The following NT5C2 variants were observed in gnomAD, a reference collection of about 807,000 sequenced individuals.
NT5C2 encodes the protein 5'-nucleotidase, cytosolic II.
A neutral mutation model predicts 76.1 loss-of-function variants in NT5C2; 58 were observed. The observed-to-expected ratio is 0.76, with a 90% confidence interval of 0.62 to 0.95. NT5C2 has a LOEUF of 0.95. Ranked by LOEUF, NT5C2 falls within the 40% of genes least tolerant of loss-of-function variation. NT5C2 has a pLI of 0.00. For synonymous variants in NT5C2, 229 were observed against 237.4 expected (o/e 0.96, Z 0.32); for missense variants, 478 against 690.3 (o/e 0.69, Z 3.45).
At position 103,089,598 on chromosome 10, in the gene NT5C2, A is replaced by G. The variant is rs2066169068; in HGVS notation, c.*74T>C. 1 of 1,479,240 alleles carries G rather than the reference A, an allele frequency of 6.8e-7. No homozygotes were observed. Among genetic ancestry groups the G allele is most frequent in the African/African-American group, 1.4e-5 (1 of 70,872 alleles). 91.6% of individuals were successfully genotyped at this position (1,479,240 alleles called of 1,614,324 possible). A position where few individuals can be genotyped will look rare whatever the true frequency, so the allele number is the denominator to read the frequency against. ...CCTCCCTCCCCCGAGTAGAACCCTA[A>G]CAGGGACCTCGTTTGTTCCTGTGAG... On this transcript the variant is annotated 3_prime_UTR_variant, in exon 19 of 19. Coordinates refer to ENST00000404739, the MANE Select transcript of NT5C2 (RefSeq NM_001351169.2).
intron 3 of NT5C2, chr10:103,153,268 G>A (rs1006592236): frequency 1.6e-6 from 2 of 1,276,134 alleles, no homozygotes; most frequent in South Asian, 2.5e-5. Flanking sequence ...AAATGAAAGA[G>A]AAAGAATAAT....
In NT5C2 at chr10:103,106,702, G is replaced by A. The variant is rs1320207919; in HGVS notation, c.180C>T (p.Tyr60=). The A allele has an allele frequency of 1.9e-6, 3 of 1,576,414 alleles. No homozygotes were observed. The Admixed American group carries it at 5.0e-5, about 26-fold the overall frequency. ...CAAGGGACTCATACTCTGGGGACTT[G>A]TACACTGCACAAAGAGGAGGTTTTC... is the stretch of plus-strand genomic sequence containing the variant. The part of the protein sequence containing the change: ...GFDMDYTLAV[Y]KSPEYESLGF... Residue 60 remains tyrosine, a synonymous_variant, in exon 5 of 19, where the codon TAC becomes TAT. Transcript: ENST00000404739.
At chr10:103,092,409 T>G (rs12355120) in intron 15 of NT5C2, among the ~76,000 whole-genome samples, 48,026 of 152,082 alleles carry the variant, frequency 0.32, 7,680 homozygotes, top group Middle Eastern at 0.37. Flanking sequence ...CTTTAGGAGG[T>G]AGGTATTATC....
chr10:103,182,552 T>C (rs2091258340), intron 1 of NT5C2, among the ~76,000 whole-genome samples: 1 of 151,966 alleles, frequency 6.6e-6, no homozygotes, highest in African/African-American at 2.4e-5. Flanking sequence ...GGAGAATCAC[T>C]TGAACCCAGG....
At chr10:103,129,460 G>A (rs1379973655) in intron 4 of NT5C2, among the ~76,000 whole-genome samples, 13 of 102,630 alleles carry the variant, frequency 1.3e-4, no homozygotes, top group South Asian at 3.8e-4. Context: ...CAGCCACCCC[G>A]TCCGGGAGGG....
chr10:103,090,859 C>T, intron 17 of NT5C2, 72 bp from the exon 18 acceptor site: 1 of 1,594,460 alleles, frequency 6.3e-7, no homozygotes, highest in Non-Finnish European at 8.6e-7. Flanking sequence ...GAATGCTAGT[C>T]TCTATAATAA....
intron 1 of NT5C2, among the ~76,000 whole-genome samples, chr10:103,192,452 C>T (rs1027279227): frequency 6.6e-6 from 1 of 152,190 alleles, no homozygotes; most frequent in Admixed American, 6.5e-5. Flanking sequence ...ACCCCCAAAA[C>T]GTTTTTCTTA....
intron 4 of NT5C2, among the ~76,000 whole-genome samples, chr10:103,107,324 C>G (rs899179352): frequency 1.1e-4 from 16 of 152,086 alleles, no homozygotes; most frequent in Non-Finnish European, 2.4e-4. Flanking sequence ...TGTAAACCAA[C>G]CATAAAAAGA....
intron 1 of NT5C2, among the ~76,000 whole-genome samples, chr10:103,188,409 G>A (rs546993193): frequency 2.0e-5 from 3 of 152,150 alleles, no homozygotes; most frequent in African/African-American, 7.2e-5. Context: ...AATACGCACT[G>A]TCAATAAACC....
At chr10:103,159,285 ACACACAC>A (rs1283981497) in intron 3 of NT5C2, among the ~76,000 whole-genome samples, 3 of 151,658 alleles carry the variant, frequency 2.0e-5, no homozygotes, top group African/African-American at 7.3e-5. Context: ...ACACACACAC[ACACACAC>A]AATTAGAGCT....
chr10:103,110,196 C>G (rs576229039), intron 4 of NT5C2, among the ~76,000 whole-genome samples: 1 of 152,266 alleles, frequency 6.6e-6, no homozygotes, highest in South Asian at 2.1e-4. Context: ...GCACTTACAC[C>G]TGTAATCCCA....
intron 4 of NT5C2, among the ~76,000 whole-genome samples, chr10:103,124,180 T>C (rs1053360935): frequency 1.3e-5 from 2 of 152,096 alleles, no homozygotes; most frequent in African/African-American, 4.8e-5. Flanking sequence ...TTGCATCTAT[T>C]AGAAGCATAA....
intron 4 of NT5C2, among the ~76,000 whole-genome samples, chr10:103,133,875 T>C (rs753111681): frequency 7.9e-5 from 12 of 152,266 alleles, no homozygotes; most frequent in African/African-American, 1.9e-4. Context: ...GAGGAACTTA[T>C]TGGGAGCTGG....
intron 3 of NT5C2, among the ~76,000 whole-genome samples, chr10:103,158,698 T>C (rs910536111): frequency 1.3e-5 from 2 of 151,478 alleles, no homozygotes; most frequent in African/African-American, 4.9e-5. Context: ...GCACTTGTCA[T>C]CCCAGCTACT....
At chr10:103,166,790 C>T (rs1032591283) in intron 3 of NT5C2, among the ~76,000 whole-genome samples, 3 of 151,772 alleles carry the variant, frequency 2.0e-5, no homozygotes, top group East Asian at 3.9e-4. Flanking sequence ...GTAGCTAGGA[C>T]GACAGGTGCA....
intron 2 of NT5C2, among the ~76,000 whole-genome samples, chr10:103,176,522 G>A (rs910473683): frequency 6.6e-6 from 1 of 152,170 alleles, no homozygotes; most frequent in African/African-American, 2.4e-5. Flanking sequence ...CTCTTGTGCT[G>A]TGTCTGCTGG....
At chr10:103,143,001 AAAG>A (rs1272227885) in intron 3 of NT5C2, among the ~76,000 whole-genome samples, 5 of 151,956 alleles carry the variant, frequency 3.3e-5, no homozygotes, top group East Asian at 3.9e-4. Context: ...AAAAAAAAAA[AAAG>A]AAGAATAGAA....
chr10:103,088,391 T>TTTTA lies in NT5C2; in HGVS notation c.*1277_*1280dup. On this transcript the variant is annotated 3_prime_UTR_variant, in exon 19 of 19. Transcript: ENST00000404739. ...GGTGATTTCGACTTGGGATTGGGAT[T>TTTTA]TTTATTTTTTGAGATGGAGTTTTGT... The TTTTA allele has an allele frequency of 6.6e-6, 1 of 152,330 alleles. No homozygotes were observed. The highest frequency in any genetic ancestry group is 2.1e-4 in the South Asian group (1 of 4,828). The allele number at this position is 152,330 out of a possible 1,614,324, so 9.4% of individuals were successfully genotyped here. A position where few individuals can be genotyped will look rare whatever the true frequency, so the allele number is the denominator to read the frequency against.
intron 4 of NT5C2, among the ~76,000 whole-genome samples, chr10:103,123,979 T>C (rs755033943): frequency 6.6e-6 from 1 of 152,320 alleles, no homozygotes; most frequent in African/African-American, 2.4e-5. Flanking sequence ...TATTAACAAC[T>C]CATCCCCCCA....
Sources: allele counts gnomAD v4.1 joint callset (sites outside exome capture counted in the v4.1 genomes callset), GRCh38; gene constraint gnomAD v4.1.1; transcripts MANE v1.5; gene names NCBI Gene and HGNC (gene_info 2026-07-23, HGNC 2026-07-21).